The following TLN2 variants were observed in gnomAD, a reference collection of about 807,000 sequenced individuals.
The protein encoded by TLN2 is talin-2.
TLN2 carries 118 observed loss-of-function variants against 294.7 expected under a neutral mutation model. The ratio of observed to expected loss-of-function variants is 0.40; its 90% CI spans 0.34 to 0.47. TLN2 has a LOEUF of 0.47. Among genes scored for constraint, TLN2 ranks in the 20% least tolerant of loss-of-function variants. TLN2 has a pLI of 0.84. For missense variants in TLN2, 3,083 were observed against 3,282.2 expected (o/e 0.94, Z 1.48); for synonymous variants, 1,431 against 1,304.5 (o/e 1.10, Z -2.09).
intron 1 of TLN2, among the ~76,000 whole-genome samples, chr15:62,489,838 A>G (rs925023806): frequency 2.0e-5 from 3 of 152,370 alleles, no homozygotes; most frequent in East Asian, 3.9e-4. Flanking sequence ...CAAAGTGGGA[A>G]ACTGCATGTT....
chr15:62,547,606 A>G (rs1268087294), intron 1 of TLN2, among the ~76,000 whole-genome samples: 1 of 152,154 alleles, frequency 6.6e-6, no homozygotes, highest in Non-Finnish European at 1.5e-5. Context: ...GCTGGAACCT[A>G]TTGTTCGGTG....
intron 2 of TLN2, among the ~76,000 whole-genome samples, chr15:62,595,740 T>C (rs1376870445): frequency 2.0e-5 from 3 of 152,148 alleles, no homozygotes; most frequent in Non-Finnish European, 2.9e-5. Flanking sequence ...TTCAAGGAAA[T>C]TGTCATTTGT....
intron 1 of TLN2, among the ~76,000 whole-genome samples, chr15:62,403,901 C>G (rs139166650): frequency 6.2e-4 from 94 of 152,342 alleles, no homozygotes; most frequent in African/African-American, 2.2e-3. Flanking sequence ...ACAGGACTCA[C>G]TTATTGTCTA....
At chr15:62,622,502 C>T (rs1438627249) in intron 3 of TLN2, among the ~76,000 whole-genome samples, 1 of 152,144 alleles carries the variant, frequency 6.6e-6, no homozygotes, top group African/African-American at 2.4e-5. Context: ...GCACTTGCCC[C>T]TTGATAATCA....
chr15:62,730,415 T>G (rs1273580665), intron 28 of TLN2, among the ~76,000 whole-genome samples: 10 of 152,216 alleles, frequency 6.6e-5, no homozygotes, highest in Non-Finnish European at 1.5e-5. Context: ...CTTATTCATT[T>G]GGATTTCCTC....
At chr15:62,434,511 G>A (rs1014993199) in intron 1 of TLN2, among the ~76,000 whole-genome samples, 9 of 152,172 alleles carry the variant, frequency 5.9e-5, no homozygotes, top group Middle Eastern at 6.3e-3. Context: ...GCTTGCAAGT[G>A]TGAGTACAGC....
At chr15:62,482,974 A>G (rs988215159) in intron 1 of TLN2, among the ~76,000 whole-genome samples, 1 of 152,014 alleles carries the variant, frequency 6.6e-6, no homozygotes, top group Admixed American at 6.6e-5. Context: ...CTTCTTGTGG[A>G]GGTGTGAATG....
chr15:62,425,186 C>G (rs1234220847), intron 1 of TLN2, among the ~76,000 whole-genome samples: 1 of 152,154 alleles, frequency 6.6e-6, no homozygotes, highest in Non-Finnish European at 1.5e-5. Context: ...CTCCTGGCTT[C>G]AAGTGATCCG....
At chr15:62,432,664 C>G (rs1031447588) in intron 1 of TLN2, among the ~76,000 whole-genome samples, 3 of 152,108 alleles carry the variant, frequency 2.0e-5, no homozygotes, top group African/African-American at 7.2e-5. Context: ...GGTTTGGGTT[C>G]TTAGAGGTGA....
chr15:62,840,768 C>T lies in TLN2; in HGVS notation c.*158C>T. On this transcript the variant is annotated 3_prime_UTR_variant, in exon 59 of 59. Coordinates refer to ENST00000636159, the MANE Select transcript of TLN2 (RefSeq NM_015059.3). ...TGTTCTCACATCTCTGTCCCGTCGG[C>T]ACTGGCTGCATGATCGTGATGTCAC... The T allele has an allele frequency of 9.9e-7, 1 of 1,012,762 alleles. No individual in the cohort carries two copies. The highest frequency in any genetic ancestry group is 1.4e-6 in the Non-Finnish European group (1 of 713,668). The allele number at this position is 1,012,762 out of a possible 1,614,324, so 62.7% of individuals were successfully genotyped here.
intron 52 of TLN2, 81 bp downstream of exon 52, chr15:62,810,113 G>A: frequency 8.5e-7 from 1 of 1,181,490 alleles, no homozygotes; most frequent in Non-Finnish European, 1.2e-6. Context: ...TGCTTTCCTT[G>A]GGAAGACCTC....
At chr15:62,742,420 AT>A (rs1423401742) in intron 32 of TLN2, among the ~76,000 whole-genome samples, 2 of 152,120 alleles carry the variant, frequency 1.3e-5, no homozygotes, top group Non-Finnish European at 2.9e-5. Context: ...ATTATCTTCA[AT>A]TTTTTGCATC....
At chr15:62,729,016 T>G (rs1228963919) in intron 28 of TLN2, among the ~76,000 whole-genome samples, 1 of 152,232 alleles carries the variant, frequency 6.6e-6, no homozygotes, top group African/African-American at 2.4e-5. Context: ...GGAATGAGTT[T>G]TATTTATGTG....
intron 1 of TLN2, among the ~76,000 whole-genome samples, chr15:62,405,282 C>T (rs2033323021): frequency 6.6e-6 from 1 of 152,054 alleles, no homozygotes; most frequent in Non-Finnish European, 1.5e-5. Context: ...AATCGGGAGC[C>T]CTAGGGAGGA....
chr15:62,560,137 C>CAGCT (rs905346722), intron 1 of TLN2, among the ~76,000 whole-genome samples: 1 of 152,238 alleles, frequency 6.6e-6, no homozygotes, highest in African/African-American at 2.4e-5. Context: ...GGACCAAAGG[C>CAGCT]AGCTCCTTTG....
At chr15:62,571,504 C>A (rs1382494131) in intron 1 of TLN2, among the ~76,000 whole-genome samples, 1 of 152,192 alleles carries the variant, frequency 6.6e-6, no homozygotes, top group Non-Finnish European at 1.5e-5. Flanking sequence ...TAAAAACATG[C>A]TTTCAGAGTT....
At chr15:62,592,353 A>C (rs2046143150) in intron 2 of TLN2, among the ~76,000 whole-genome samples, 1 of 152,176 alleles carries the variant, frequency 6.6e-6, no homozygotes, top group African/African-American at 2.4e-5. Context: ...AACCCAAATG[A>C]AATTTGACAG....
chr15:62,572,471 C>A (rs1382937443), intron 1 of TLN2, among the ~76,000 whole-genome samples: 2 of 152,128 alleles, frequency 1.3e-5, no homozygotes, highest in Non-Finnish European at 2.9e-5. Context: ...GTCTCGAACT[C>A]CAGGGCTCAA....
intron 34 of TLN2, 91 bp downstream of exon 34, chr15:62,750,582 C>A: frequency 8.8e-7 from 1 of 1,138,644 alleles, no homozygotes; most frequent in Non-Finnish European, 1.3e-6. Context: ...CTGCCTGTGG[C>A]TGGTCTGCAG....
Sources: gnomAD v4.1 joint callset for allele counts (sites outside exome capture counted in the v4.1 genomes callset) on GRCh38, gnomAD v4.1.1 for gene constraint, MANE v1.5 for transcripts, NCBI Gene and HGNC (gene_info 2026-07-23, HGNC 2026-07-21) for gene names.